The following CRYZL1 variants were observed in gnomAD, a reference collection of about 807,000 sequenced individuals.
CRYZL1 encodes the protein ferry endosomal RAB5 effector complex subunit 4.
Under a neutral mutation model 50.6 loss-of-function variants are expected in CRYZL1, and 34 were observed. The observed-to-expected ratio is 0.67, with a 90% CI of 0.51 to 0.89. CRYZL1 has a LOEUF of 0.89. Among genes scored for constraint, CRYZL1 ranks in the 40% least tolerant of loss-of-function variants. The pLI, the probability that CRYZL1 is intolerant of heterozygous loss-of-function variation, is 0.00. For missense variants in CRYZL1, 354 were observed against 402.3 expected, an observed-to-expected ratio of 0.88 and a Z score of 1.03; for synonymous variants, 125 against 134.3, an observed-to-expected ratio of 0.93 and a Z score of 0.48.
chr21:33,596,082 G>A, intron 10 of CRYZL1: 1 of 609,666 alleles, frequency 1.6e-6, no homozygotes, highest in East Asian at 3.3e-5. Flanking sequence ...AAGTGGTAGG[G>A]GTGTGTGTGT....
chr21:33,597,591 G>C (rs1226947795), intron 9 of CRYZL1, among the ~76,000 whole-genome samples, 190 bp from the exon 10 acceptor site: 1 of 150,984 alleles, frequency 6.6e-6, no homozygotes, highest in East Asian at 2.0e-4. Flanking sequence ...ACAGGCACAG[G>C]CCACTGTGTC....
chr21:33,637,778 T>C (rs2087227278), intron 1 of CRYZL1, among the ~76,000 whole-genome samples: 4 of 146,640 alleles, frequency 2.7e-5, no homozygotes, highest in Admixed American at 1.4e-4. Flanking sequence ...TATATATATA[T>C]ATATATATAT....
At chr21:33,629,198 G>C (rs780232427) in intron 2 of CRYZL1, among the ~76,000 whole-genome samples, 13 of 152,132 alleles carry the variant, frequency 8.5e-5, no homozygotes, top group African/African-American at 1.2e-4. Flanking sequence ...GTATTCCAGT[G>C]TGGGTGATGG....
chr21:33,601,545 G>A (rs986288221), intron 8 of CRYZL1, among the ~76,000 whole-genome samples: 6 of 152,038 alleles, frequency 3.9e-5, no homozygotes, highest in African/African-American at 1.4e-4. Context: ...GTAAATTGTT[G>A]AAAACAATGG....
chr21:33,616,862 T>A, intron 4 of CRYZL1, 112 bp from the exon 5 acceptor site: 2 of 1,024,398 alleles, frequency 2.0e-6, no homozygotes, highest in Non-Finnish European at 2.7e-6. Context: ...TGATTTTGTT[T>A]AATGTGGAAA....
At chr21:33,627,739 G>GT (rs35217060) in intron 2 of CRYZL1, among the ~76,000 whole-genome samples, 1,656 of 84,158 alleles carry the variant, frequency 0.02, 11 homozygotes, top group East Asian at 0.038. Context: ...ATGAGACATG[G>GT]TTTTTTTTTT....
chr21:33,640,680 T>C (rs1164560542), intron 1 of CRYZL1, among the ~76,000 whole-genome samples: 2 of 152,202 alleles, frequency 1.3e-5, no homozygotes, highest in East Asian at 3.8e-4. Flanking sequence ...GCAAAGGGTT[T>C]GGTCAATGCA....
chr21:33,603,887 C>T (rs534356832), intron 6 of CRYZL1, among the ~76,000 whole-genome samples: 7 of 152,364 alleles, frequency 4.6e-5, no homozygotes, highest in African/African-American at 1.7e-4. Flanking sequence ...CCTCTTCTCT[C>T]CTCACCAAAG....
At chr21:33,612,370 T>A (rs1233662514) in intron 6 of CRYZL1, among the ~76,000 whole-genome samples, 1 of 150,372 alleles carries the variant, frequency 6.7e-6, no homozygotes, top group Non-Finnish European at 1.5e-5. Flanking sequence ...CCCTGTAACC[T>A]CCACCTCCCG....
chr21:33,640,298 C>T (rs1310408891), intron 1 of CRYZL1: 59 of 1,471,328 alleles, frequency 4.0e-5, no homozygotes, highest in Non-Finnish European at 5.0e-5. Flanking sequence ...TTATCCCCTG[C>T]TGTAAGCTGG....
At chr21:33,618,633 G>T (rs984738013) in intron 4 of CRYZL1, among the ~76,000 whole-genome samples, 2 of 152,152 alleles carry the variant, frequency 1.3e-5, no homozygotes, top group African/African-American at 4.8e-5. Flanking sequence ...TGCATTTGTT[G>T]CCACTAGCAA....
At chr21:33,600,276 G>T (rs1019694995) in intron 8 of CRYZL1, among the ~76,000 whole-genome samples, 1 of 152,068 alleles carries the variant, frequency 6.6e-6, no homozygotes, top group Non-Finnish European at 1.5e-5. Flanking sequence ...TGATTTTTAG[G>T]CAAGTCAGTA....
intron 1 of CRYZL1, chr21:33,640,201 C>T: frequency 1.9e-6 from 3 of 1,547,644 alleles, no homozygotes; most frequent in Non-Finnish European, 2.6e-6. Context: ...ACAAAAAGAG[C>T]ATAGTTAATC....
At chr21:33,591,967 A>G (rs2086647332) in intron 11 of CRYZL1, among the ~76,000 whole-genome samples, 1 of 151,806 alleles carries the variant, frequency 6.6e-6, no homozygotes, top group Non-Finnish European at 1.5e-5. Context: ...AAAGAAAAAA[A>G]AAAAGAAAGA....
At chr21:33,595,208 CTTTTGT>C (rs750808612) in intron 11 of CRYZL1, 89 of 1,116,910 alleles carry the variant, frequency 8.0e-5, no homozygotes, top group Non-Finnish European at 9.4e-5. Context: ...CTCTGAATGA[CTTTTGT>C]TTCAAAAAGT....
intron 1 of CRYZL1, among the ~76,000 whole-genome samples, chr21:33,638,337 C>A (rs986104553): frequency 2.0e-5 from 3 of 151,906 alleles, no homozygotes; most frequent in Non-Finnish European, 2.9e-5. Flanking sequence ...CCCAGCCTCC[C>A]GAGTAGCTGG....
intron 1 of CRYZL1, among the ~76,000 whole-genome samples, chr21:33,633,020 A>G (rs1043382330): frequency 1.3e-5 from 2 of 151,994 alleles, no homozygotes; most frequent in African/African-American, 2.4e-5. Context: ...CTTTCTTTCT[A>G]TATTAGGTTT....
chr21:33,640,253 T>G, intron 1 of CRYZL1: 1 of 1,539,046 alleles, frequency 6.5e-7, no homozygotes, highest in South Asian at 1.2e-5. Flanking sequence ...CTTTATCTTG[T>G]ATGGCGAACT....
chr21:33,627,739 G>GTTTTTT (rs35217060), intron 2 of CRYZL1, among the ~76,000 whole-genome samples: 5 of 84,362 alleles, frequency 5.9e-5, no homozygotes, highest in Non-Finnish European at 6.5e-5. Context: ...ATGAGACATG[G>GTTTTTT]TTTTTTTTTT....
Sources: allele counts gnomAD v4.1 joint callset (sites outside exome capture counted in the v4.1 genomes callset), GRCh38; gene constraint gnomAD v4.1.1; transcripts MANE v1.5; gene names NCBI Gene and HGNC (gene_info 2026-07-23, HGNC 2026-07-21).